SLC35F1: variants seen among roughly 807,000 people sequenced by gnomAD.
SLC35F1 encodes chromosome 6 open reading frame 169.
SLC35F1 carries 14 observed loss-of-function variants against 48.7 expected under a neutral mutation model. That is an observed-to-expected ratio of 0.29 (90% CI 0.19 to 0.45). The LOEUF (loss-of-function observed/expected upper bound fraction) is 0.45, where lower values mean the gene tolerates loss of function less well. Ranked by LOEUF, SLC35F1 falls within the 20% of genes least tolerant of loss-of-function variation. The probability of loss-of-function intolerance (pLI) is 1.00; values close to 1 mark genes in which losing one functional copy is unlikely to be tolerated. For synonymous variants in SLC35F1, 190 were observed against 202.2 expected (o/e 0.94, Z 0.51); for missense variants, 404 against 500.0 (o/e 0.81, Z 1.83).
At chr6:118,212,780 A>AAGGAAGGAAGGAAAGAG (rs1775022405) in intron 2 of SLC35F1, among the ~76,000 whole-genome samples, 1 of 150,956 alleles carries the variant, frequency 6.6e-6, no homozygotes, top group Admixed American at 6.6e-5. Context: ...GGAAGGAAGG[A>AAGGAAGGAAGGAAAGAG]AGGAAGGAAG....
chr6:118,183,726 A>G (rs1040754734), intron 2 of SLC35F1, among the ~76,000 whole-genome samples: 4 of 152,142 alleles, frequency 2.6e-5, no homozygotes, highest in Non-Finnish European at 5.9e-5. Flanking sequence ...TAGAGATACC[A>G]TCCTGGAATA....
rs146841921 is a variant in SLC35F1 at position 118,121,046 on chromosome 6, G to A, written c.174-33399G>A. 6.3e-3 allele frequency among the ~76,000 whole-genome samples: 951 copies of A among 151,994 alleles called. 5 individuals carry two copies. Among genetic ancestry groups the A allele is most frequent in the Middle Eastern group, 0.017 (5 of 292 alleles). ...CTCAAATCTTTTTCAAAGAAGATAGGGTGCCAGTTAAAAATAGATTAAAAT... is the reference window on the plus strand; with the variant it reads ...CTCAAATCTTTTTCAAAGAAGATAGAGTGCCAGTTAAAAATAGATTAAAAT... On this transcript the variant is annotated intron_variant, in intron 1 of 7. Transcript: ENST00000360388.
At chr6:117,956,902 A>G (rs1161325600) in intron 1 of SLC35F1, among the ~76,000 whole-genome samples, 1 of 152,230 alleles carries the variant, frequency 6.6e-6, no homozygotes, top group Non-Finnish European at 1.5e-5. Context: ...GGCATTTGTC[A>G]TAACTCTTAC....
At chr6:118,265,054 A>G (rs901741029) in intron 3 of SLC35F1, among the ~76,000 whole-genome samples, 2 of 152,204 alleles carry the variant, frequency 1.3e-5, no homozygotes, top group Admixed American at 1.3e-4. Flanking sequence ...TCACCTTATC[A>G]TCTCAGCAAC....
In SLC35F1 at chr6:117,985,680, A is replaced by G. The variant is rs879503989; in HGVS notation, c.173+77781A>G. On this transcript the variant is annotated intron_variant, in intron 1 of 7. Coordinates refer to ENST00000360388, the MANE Select transcript of SLC35F1 (RefSeq NM_001029858.4). Reference sequence around the variant, plus strand: ...TAAAATATCTTCAGAGAAACTGTGAATACCTCTATCCATTGACTCATTTCT... The same window carrying G: ...TAAAATATCTTCAGAGAAACTGTGAGTACCTCTATCCATTGACTCATTTCT... 1.9e-4 allele frequency among the ~76,000 whole-genome samples: 29 copies of G among 152,330 alleles called. No homozygotes were observed. In the South Asian group the frequency reaches 5.2e-3, roughly 27 times the overall value.
chr6:118,084,739 A>T (rs1406830899), intron 1 of SLC35F1, among the ~76,000 whole-genome samples: 1 of 152,004 alleles, frequency 6.6e-6, no homozygotes, highest in African/African-American at 2.4e-5. Context: ...ATCAGGAGAG[A>T]TTTAGGGCAG....
At chr6:118,157,149 G>T (rs939601055) in intron 2 of SLC35F1, among the ~76,000 whole-genome samples, 2 of 152,154 alleles carry the variant, frequency 1.3e-5, no homozygotes, top group African/African-American at 4.8e-5. Flanking sequence ...CCAGGAAACT[G>T]CTTGAGGATA....
At chr6:118,087,959 G>T (rs1265153994) in intron 1 of SLC35F1, among the ~76,000 whole-genome samples, 2 of 152,104 alleles carry the variant, frequency 1.3e-5, no homozygotes, top group Admixed American at 1.3e-4. Flanking sequence ...TACTGAATTG[G>T]TTTGAATCTT....
intron 1 of SLC35F1, chr6:117,999,349 C>A: frequency 1.3e-6 from 2 of 1,592,812 alleles, no homozygotes; most frequent in South Asian, 2.2e-5. Context: ...AGGCCAAGGC[C>A]AAGGCCAAGG....
chr6:117,967,290 T>C (rs1776583120), intron 1 of SLC35F1, among the ~76,000 whole-genome samples: 1 of 152,062 alleles, frequency 6.6e-6, no homozygotes. Flanking sequence ...AATGAAAATA[T>C]CAAAAATACA....
At chr6:118,042,221 T>C (rs1772233668) in intron 1 of SLC35F1, among the ~76,000 whole-genome samples, 1 of 152,166 alleles carries the variant, frequency 6.6e-6, no homozygotes, top group Non-Finnish European at 1.5e-5. Context: ...ACACTAGGAA[T>C]ACAAAGATAA....
intron 3 of SLC35F1, among the ~76,000 whole-genome samples, chr6:118,237,130 G>A (rs1224239023): frequency 6.6e-6 from 1 of 152,010 alleles, no homozygotes; most frequent in Non-Finnish European, 1.5e-5. Context: ...GTGCTATTAG[G>A]ACATTTTTAA....
At chr6:118,215,634 A>G (rs1333388743) in intron 2 of SLC35F1, among the ~76,000 whole-genome samples, 2 of 152,226 alleles carry the variant, frequency 1.3e-5, no homozygotes, top group Non-Finnish European at 2.9e-5. Flanking sequence ...TTTGTCTAAC[A>G]TACCCAGTTT....
chr6:118,246,163 T>G (rs1362109050), intron 3 of SLC35F1, among the ~76,000 whole-genome samples: 1 of 152,162 alleles, frequency 6.6e-6, no homozygotes, highest in Non-Finnish European at 1.5e-5. Flanking sequence ...ATTATTGATA[T>G]GTTGGAAGGA....
At chr6:118,286,189 T>C (rs1354665040) in intron 7 of SLC35F1, among the ~76,000 whole-genome samples, 1 of 151,948 alleles carries the variant, frequency 6.6e-6, no homozygotes, top group Non-Finnish European at 1.5e-5. Context: ...AAGACCAAAC[T>C]TGGATAGCTG....
At chr6:118,225,572 T>C (rs1270183477) in intron 2 of SLC35F1, among the ~76,000 whole-genome samples, 2 of 152,232 alleles carry the variant, frequency 1.3e-5, no homozygotes, top group African/African-American at 4.8e-5. Context: ...TTCCAGGACG[T>C]TGCTCTAGGC....
chr6:117,908,037 C>T lies in SLC35F1; in HGVS notation c.173+138C>T, dbSNP rs935607812. The T allele has an allele frequency of 1.9e-5, 16 of 862,682 alleles. No individual in the cohort carries two copies. The Admixed American group carries it at 2.2e-4, about 12-fold the overall frequency. The allele number at this position is 862,682 out of a possible 1,614,324, so 53.4% of individuals were successfully genotyped here. A position where few individuals can be genotyped will look rare whatever the true frequency, so the allele number is the denominator to read the frequency against. On this transcript the variant is annotated intron_variant, in intron 1 of 7. Transcript: ENST00000360388. The stretch of plus-strand genomic sequence containing the variant: ...GGAGGAGACTGAGGAGATCGGGCGA[C>T]GACGCGCTCCGCGGGCGCAGAGAGG...
chr6:118,044,735 A>G (rs9481761), intron 1 of SLC35F1, among the ~76,000 whole-genome samples: 27,541 of 152,106 alleles, frequency 0.18, 2,697 homozygotes, highest in Admixed American at 0.28. Context: ...CTGCACCTAC[A>G]AAATCTTCTT....
intron 1 of SLC35F1, among the ~76,000 whole-genome samples, chr6:118,143,683 G>A (rs929120437): frequency 6.6e-6 from 1 of 152,098 alleles, no homozygotes; most frequent in Admixed American, 6.6e-5. Flanking sequence ...ACAAATTTAA[G>A]TAATCACTGA....
Sources: gnomAD v4.1 joint callset for allele counts (sites outside exome capture counted in the v4.1 genomes callset) on GRCh38, gnomAD v4.1.1 for gene constraint, MANE v1.5 for transcripts, NCBI Gene and HGNC (gene_info 2026-07-23, HGNC 2026-07-21) for gene names.